Variants in GLRA2 observed in about 807,000 individuals in gnomAD.
GLRA2 encodes the protein glycine receptor alpha 2, also known as glycine receptor subunit alpha-2.
Under a neutral mutation model 31.6 loss-of-function variants are expected in GLRA2, and 11 were observed. The observed-to-expected ratio is 0.35, with a 90% CI of 0.22 to 0.58. The LOEUF is 0.58. Among genes scored for constraint, GLRA2 ranks in the 20% least tolerant of loss-of-function variants. The pLI is 0.84. For missense variants in GLRA2, 212 were observed against 351.8 expected, an observed-to-expected ratio of 0.60 and a Z score of 3.18; for synonymous variants, 132 against 134.0, an observed-to-expected ratio of 0.99 and a Z score of 0.10.
At chrX:14,553,425 G>T (rs185986610) in intron 2 of GLRA2, among the ~76,000 whole-genome samples, 12 of 111,162 alleles carry the variant, frequency 1.1e-4, no homozygotes, top group African/African-American at 3.9e-4. Flanking sequence ...ACAATTTGTT[G>T]CCTCCTCTGC....
At chrX:14,479,882 A>G in the GLRA2 span, among the ~76,000 whole-genome samples, 1 of 111,548 alleles carries the variant, frequency 9.0e-6, no homozygotes, top group South Asian at 3.8e-4. Flanking sequence ...TCTTTTGGAT[A>G]TATACACAGT....
At chrX:14,695,343 T>TA (rs2091430511) in intron 8 of GLRA2, among the ~76,000 whole-genome samples, 2 of 111,573 alleles carry the variant, frequency 1.8e-5, no homozygotes, top group East Asian at 5.6e-4. Flanking sequence ...GGGGATATAT[T>TA]TTTTCCAAAA....
At chrX:14,615,032 C>T (rs748439811) in intron 7 of GLRA2, among the ~76,000 whole-genome samples, 2 of 112,037 alleles carry the variant, frequency 1.8e-5, no homozygotes, top group Non-Finnish European at 3.8e-5. Context: ...ATATGTGCAG[C>T]GTCTCCCTTT....
chrX:14,627,564 T>G (rs1164957283), intron 7 of GLRA2, among the ~76,000 whole-genome samples: 2 of 111,590 alleles, frequency 1.8e-5, no homozygotes, highest in African/African-American at 6.5e-5. Flanking sequence ...AGCCTAGAGA[T>G]TCTTTCCATA....
chrX:14,592,198 T>C (rs2090152372), intron 4 of GLRA2, among the ~76,000 whole-genome samples: 1 of 111,834 alleles, frequency 8.9e-6, no homozygotes, highest in African/African-American at 3.2e-5. Context: ...GCATTCTTCA[T>C]GTCCCTTAGG....
chrX:14,469,230 AG>A, the GLRA2 span, among the ~76,000 whole-genome samples: 1 of 111,707 alleles, frequency 9.0e-6, no homozygotes, highest in African/African-American at 3.3e-5. Flanking sequence ...TTAGACATGA[AG>A]TCCTTGCCCA....
At chrX:14,678,936 G>T (rs1431595761) in intron 7 of GLRA2, among the ~76,000 whole-genome samples, 1 of 111,394 alleles carries the variant, frequency 9.0e-6, no homozygotes, top group Non-Finnish European at 1.9e-5. Context: ...GGCTGCAGAA[G>T]GTATAGTCTT....
At chrX:14,506,885 G>A in the GLRA2 span, among the ~76,000 whole-genome samples, 1 of 111,734 alleles carries the variant, frequency 8.9e-6, no homozygotes, top group Non-Finnish European at 1.9e-5. Flanking sequence ...GACCAGAGAG[G>A]TACAGCAAGC....
intron 8 of GLRA2, among the ~76,000 whole-genome samples, chrX:14,728,154 C>T (rs1416808033): frequency 9.0e-6 from 1 of 110,846 alleles, no homozygotes; most frequent in Non-Finnish European, 1.9e-5. Context: ...ACAACTAGGC[C>T]GAGGCAGGAA....
At chrX:14,503,722 A>T in the GLRA2 span, among the ~76,000 whole-genome samples, 2 of 111,085 alleles carry the variant, frequency 1.8e-5, no homozygotes, top group African/African-American at 6.6e-5. Context: ...CTGCCACTGA[A>T]CTTTAATACA....
At chrX:14,662,223 C>T (rs1182309114) in intron 7 of GLRA2, among the ~76,000 whole-genome samples, 1 of 109,648 alleles carries the variant, frequency 9.1e-6, no homozygotes, top group Non-Finnish European at 1.9e-5. Flanking sequence ...CAGATCTGTT[C>T]CTTTGCAATT....
intron 2 of GLRA2, among the ~76,000 whole-genome samples, chrX:14,544,546 A>G: frequency 9.0e-6 from 1 of 111,652 alleles, no homozygotes; most frequent in African/African-American, 3.2e-5. Context: ...TATACCAAAA[A>G]TCTCATTTAA....
At chrX:14,453,522 G>T in the GLRA2 span, among the ~76,000 whole-genome samples, 1 of 111,853 alleles carries the variant, frequency 8.9e-6, no homozygotes, top group Non-Finnish European at 1.9e-5. Flanking sequence ...TAAAAATAGT[G>T]ACCCATCAAG....
intron 7 of GLRA2, among the ~76,000 whole-genome samples, chrX:14,674,216 T>G (rs1443931110): frequency 2.7e-5 from 3 of 112,351 alleles, no homozygotes; most frequent in Non-Finnish European, 5.6e-5. Context: ...GATTTTGTTC[T>G]GTTTTCTTTT....
chrX:14,707,837 A>G (rs1259904546), intron 8 of GLRA2, among the ~76,000 whole-genome samples: 2 of 111,062 alleles, frequency 1.8e-5, no homozygotes, highest in Non-Finnish European at 3.8e-5. Context: ...GCTTTAAGGT[A>G]TAATTGACAA....
chrX:14,663,989 AGTTT>A (rs1367059855), intron 7 of GLRA2, among the ~76,000 whole-genome samples: 1 of 111,183 alleles, frequency 9.0e-6, no homozygotes, highest in Non-Finnish European at 1.9e-5. Flanking sequence ...CTAGCAGTTT[AGTTT>A]ATTTAAAAAG....
At chrX:14,604,550 GTGT>G (rs1424460778) in intron 5 of GLRA2, among the ~76,000 whole-genome samples, 153 bp downstream of exon 5, 1 of 38,844 alleles carries the variant, frequency 2.6e-5, no homozygotes, top group Non-Finnish European at 5.2e-5. Context: ...CAAAGTGTGT[GTGT>G]GTGTGTGTGT....
At chrX:14,452,154 A>C in the GLRA2 span, among the ~76,000 whole-genome samples, 1 of 111,819 alleles carries the variant, frequency 8.9e-6, no homozygotes, top group African/African-American at 3.3e-5. Context: ...CAACCCTTGA[A>C]TCTAAAGTCA....
chrX:14,690,700 T>C lies in GLRA2; in HGVS notation c.931-10T>C, dbSNP rs1234026927. 1 of 1,139,107 alleles carries C rather than the reference T, an allele frequency of 8.8e-7. No individual in the cohort carries two copies. Among genetic ancestry groups the C allele is most frequent in the Non-Finnish European group, 1.2e-6 (1 of 829,846 alleles). 93.9% of individuals were successfully genotyped at this position (1,139,107 alleles called of 1,213,427 possible). ...CTCTGTGTGTGTGTGTGTCTCTCTC[T>C]CTCTCTCAGGTCTCCTATGTAAAAG... On this transcript the variant is annotated splice_polypyrimidine_tract_variant and intron_variant, in intron 7 of 8. Coordinates refer to ENST00000218075, the MANE Select transcript of GLRA2 (RefSeq NM_002063.4).
Sources: gnomAD v4.1 joint callset for allele counts (sites outside exome capture counted in the v4.1 genomes callset) on GRCh38, gnomAD v4.1.1 for gene constraint, MANE v1.5 for transcripts, NCBI Gene and HGNC (gene_info 2026-07-23, HGNC 2026-07-21) for gene names.